The following GALNT13 variants were observed in gnomAD, a reference collection of about 807,000 sequenced individuals.
The protein encoded by GALNT13 is UDP-GalNAc:polypeptide N-acetylgalactosaminyltransferase 13.
Under a neutral mutation model 64.2 loss-of-function variants are expected in GALNT13, and 28 were observed. That is an observed-to-expected ratio of 0.44 (90% CI 0.32 to 0.60). The LOEUF is 0.60. Ranked by LOEUF, GALNT13 falls within the 20% of genes least tolerant of loss-of-function variation. GALNT13 has a pLI of 0.05. For synonymous variants in GALNT13, 214 were observed against 224.6 expected (o/e 0.95, Z 0.42); for missense variants, 577 against 669.8 (o/e 0.86, Z 1.53).
intron 3 of GALNT13, among the ~76,000 whole-genome samples, chr2:154,018,648 C>T (rs558014841): frequency 6.3e-5 from 9 of 143,662 alleles, no homozygotes; most frequent in African/African-American, 2.3e-4. Flanking sequence ...GAGGGAGATG[C>T]AGAGAGAATG....
chr2:153,449,697 C>G, the GALNT13 span: 1 of 162,836 alleles, frequency 6.1e-6, no homozygotes, highest in Non-Finnish European at 1.3e-5. Flanking sequence ...AGTCCAAGAT[C>G]AAGGTGGCAG....
At chr2:153,836,833 G>A in the GALNT13 span, among the ~76,000 whole-genome samples, 1 of 152,060 alleles carries the variant, frequency 6.6e-6, no homozygotes, top group Non-Finnish European at 1.5e-5. Context: ...CAAAGGACAT[G>A]AACTCATCAT....
chr2:153,192,354 C>A, the GALNT13 span, among the ~76,000 whole-genome samples: 1 of 151,978 alleles, frequency 6.6e-6, no homozygotes, highest in Admixed American at 6.6e-5. Context: ...TTCAAAGTTT[C>A]TCTTGTTACT....
the GALNT13 span, among the ~76,000 whole-genome samples, chr2:153,461,880 G>A: frequency 6.6e-6 from 1 of 152,094 alleles, no homozygotes; most frequent in Non-Finnish European, 1.5e-5. Context: ...TTAACTCTGA[G>A]GAAGAAGGTG....
At chr2:154,441,083 A>G (rs906212938) in intron 12 of GALNT13, among the ~76,000 whole-genome samples, 2 of 152,112 alleles carry the variant, frequency 1.3e-5, no homozygotes, top group Non-Finnish European at 2.9e-5. Flanking sequence ...CCAAGTTTGT[A>G]TTTTAACAAA....
At chr2:153,288,372 T>C in the GALNT13 span, among the ~76,000 whole-genome samples, 1 of 152,194 alleles carries the variant, frequency 6.6e-6, no homozygotes, top group African/African-American at 2.4e-5. Flanking sequence ...TTTCCACTGC[T>C]TTAGATACCT....
chr2:153,836,201 G>C, the GALNT13 span, among the ~76,000 whole-genome samples: 52 of 152,068 alleles, frequency 3.4e-4, 1 homozygote, highest in African/African-American at 1.1e-3. Context: ...ATAAGACAAG[G>C]AGAAAATGTT....
chr2:153,650,100 A>C, the GALNT13 span, among the ~76,000 whole-genome samples: 1 of 152,140 alleles, frequency 6.6e-6, no homozygotes, highest in African/African-American at 2.4e-5. Context: ...TGGGAGTCTA[A>C]GTCTCTTTGT....
chr2:154,151,248 GT>G (rs1250166214), intron 4 of GALNT13, among the ~76,000 whole-genome samples: 1 of 152,106 alleles, frequency 6.6e-6, no homozygotes, highest in Non-Finnish European at 1.5e-5. Flanking sequence ...TTTTGAGTGC[GT>G]TTTTTAATCC....
chr2:153,983,479 C>T (rs1210011045), intron 3 of GALNT13, among the ~76,000 whole-genome samples: 1 of 151,844 alleles, frequency 6.6e-6, no homozygotes, highest in African/African-American at 2.4e-5. Flanking sequence ...TAATTCTCTT[C>T]CACCTCTTCT....
intron 4 of GALNT13, among the ~76,000 whole-genome samples, chr2:154,206,848 A>G (rs1468957421): frequency 6.6e-6 from 1 of 151,956 alleles, no homozygotes. Flanking sequence ...AATAAGTCTA[A>G]GGTCAAGAAC....
chr2:154,166,262 C>T (rs1001031181), intron 4 of GALNT13, among the ~76,000 whole-genome samples: 1 of 152,014 alleles, frequency 6.6e-6, no homozygotes, highest in African/African-American at 2.4e-5. Context: ...AAAATTAGCT[C>T]AGTGTGGTGG....
chr2:153,334,935 G>A, the GALNT13 span, among the ~76,000 whole-genome samples: 1 of 152,264 alleles, frequency 6.6e-6, no homozygotes, highest in Non-Finnish European at 1.5e-5. Flanking sequence ...ATTCTGACAT[G>A]TTTTGGGAGG....
chr2:154,376,337 T>C (rs1248924750), intron 9 of GALNT13, among the ~76,000 whole-genome samples: 2 of 152,182 alleles, frequency 1.3e-5, no homozygotes, highest in African/African-American at 2.4e-5. Context: ...TTGCATTATA[T>C]AGTCAGATAA....
At chr2:153,591,071 A>G in the GALNT13 span, among the ~76,000 whole-genome samples, 2 of 152,116 alleles carry the variant, frequency 1.3e-5, no homozygotes, top group African/African-American at 4.8e-5. Context: ...GAATAACCTT[A>G]TAATTCCACC....
At chr2:153,127,307 A>G in the GALNT13 span, among the ~76,000 whole-genome samples, 1 of 152,188 alleles carries the variant, frequency 6.6e-6, no homozygotes, top group African/African-American at 2.4e-5. Context: ...AATTCGAGGC[A>G]TTTGGGCATC....
chr2:153,286,085 AC>A, the GALNT13 span, among the ~76,000 whole-genome samples: 1 of 152,114 alleles, frequency 6.6e-6, no homozygotes, highest in Non-Finnish European at 1.5e-5. Flanking sequence ...AACATTCAGA[AC>A]CTATACAAAA....
At chr2:153,483,410 CTTTTTTTTTTTTTTT>C in the GALNT13 span, among the ~76,000 whole-genome samples, 6 of 71,776 alleles carry the variant, frequency 8.4e-5, no homozygotes, top group African/African-American at 1.1e-4. Context: ...GAATAAAATT[CTTTTTTTTTTTTTTT>C]TTTTTTTTTG....
the GALNT13 span, among the ~76,000 whole-genome samples, chr2:153,080,381 A>G: frequency 6.6e-6 from 1 of 151,936 alleles, no homozygotes; most frequent in Non-Finnish European, 1.5e-5. Flanking sequence ...GTATTCATTG[A>G]TTTTATTATA....
Sources: allele counts gnomAD v4.1 joint callset (sites outside exome capture counted in the v4.1 genomes callset), GRCh38; gene constraint gnomAD v4.1.1; transcripts MANE v1.5; gene names NCBI Gene and HGNC (gene_info 2026-07-23, HGNC 2026-07-21).